DMXL1: variants seen among roughly 807,000 people sequenced by gnomAD.
The protein encoded by DMXL1 is Dmx like 1.
A neutral mutation model predicts 319.2 loss-of-function variants in DMXL1; 99 were observed. That is an observed-to-expected ratio of 0.31 (90% confidence interval 0.26 to 0.37). The LOEUF (loss-of-function observed/expected upper bound fraction) is 0.37. Among genes scored for constraint, DMXL1 ranks in the 10% least tolerant of loss-of-function variants. The pLI is 1.00. For missense variants in DMXL1, 3,745 were observed against 3,595.6 expected, an observed-to-expected ratio of 1.04 and a Z score of -1.06; for synonymous variants, 1,385 against 1,235.2, an observed-to-expected ratio of 1.12 and a Z score of -2.54.
intron 15 of DMXL1, 81 bp from the exon 16 acceptor site, chr5:119,146,756 C>A: frequency 3.0e-6 from 4 of 1,342,644 alleles, no homozygotes; most frequent in Non-Finnish European, 4.0e-6. Context: ...TTTTTAAAGT[C>A]CAATTATTTT....
Position 119,150,153 on chromosome 5 carries a change from T to G in DMXL1, c.4326T>G (p.Ser1442Arg). 6.2e-7 allele frequency: 1 copy of G among 1,613,834 alleles called. No individual in the cohort carries two copies. The highest frequency in any genetic ancestry group is 1.1e-5 in the South Asian group (1 of 91,060). Reference protein sequence around the residue: ...LSKSNQLSKESYDELFQTQLL... With the variant: ...LSKSNQLSKERYDELFQTQLL... The stretch of plus-strand genomic sequence containing the variant: ...AATCAAACCAATTATCTAAAGAAAG[T>G]TATGATGAGCTTTTTCAGACTCAAC... The change falls in exon 18 of 44, where the codon AGT becomes AGG. Residue 1442 changes from serine (S) to arginine (R), a missense_variant. Ser to Arg is a moderately radical substitution (Grantham distance 110, BLOSUM62 -1). This residue lies in a region of DMXL1 where 2,096 missense variants were observed against 1,985.4 expected (regional missense o/e 1.06). Transcript: ENST00000539542.
intron 9 of DMXL1, among the ~76,000 whole-genome samples, chr5:119,122,029 G>A (rs1421484181): frequency 2.1e-5 from 3 of 146,098 alleles, no homozygotes; most frequent in African/African-American, 7.6e-5. Context: ...GCGGCTGGCC[G>A]GGCAGGGGGC....
chr5:119,243,055 T>C (rs568533436), intron 42 of DMXL1, among the ~76,000 whole-genome samples: 1 of 152,276 alleles, frequency 6.6e-6, no homozygotes, highest in Admixed American at 6.5e-5. Flanking sequence ...GGGAGGAGAA[T>C]TGACCATGAA....
chr5:119,135,955 C>A (rs1372555700), intron 13 of DMXL1, among the ~76,000 whole-genome samples: 1 of 152,160 alleles, frequency 6.6e-6, no homozygotes, highest in African/African-American at 2.4e-5. Flanking sequence ...AACTGGGTAA[C>A]AGGCAGAGGT....
intron 1 of DMXL1, among the ~76,000 whole-genome samples, chr5:119,094,297 G>A (rs972557959): frequency 5.9e-5 from 9 of 152,188 alleles, no homozygotes; most frequent in African/African-American, 1.2e-4. Context: ...TTATCATGCC[G>A]AGAATCCTAG....
Position 119,164,696 on chromosome 5 carries a change from G to A in DMXL1, c.4872+20G>A. The stretch of plus-strand genomic sequence containing the variant: ...GAAAAAGTAAGTGTTTTATTTTGGT[G>A]TATAAGTGAATTAATATTTTTTGGA... On this transcript the variant is annotated intron_variant, in intron 20 of 43. Transcript: ENST00000539542. The A allele has an allele frequency of 6.4e-7, 1 of 1,561,468 alleles. No individual in the cohort carries two copies. The highest frequency in any genetic ancestry group is 1.4e-5 in the African/African-American group (1 of 73,914).
intron 34 of DMXL1, among the ~76,000 whole-genome samples, chr5:119,214,782 A>G (rs1341665929): frequency 1.3e-5 from 2 of 152,192 alleles, no homozygotes; most frequent in Non-Finnish European, 2.9e-5. Flanking sequence ...GTATTCCTAC[A>G]TAGAGAAAGG....
At chr5:119,139,095 G>T (rs1368508334) in intron 13 of DMXL1, 1 of 152,168 alleles carries the variant, frequency 6.6e-6, no homozygotes, top group Non-Finnish European at 1.5e-5. Flanking sequence ...ATAAACCAAT[G>T]TTGAGGGAGT....
At chr5:119,085,474 G>A (rs1753161563) in intron 1 of DMXL1, among the ~76,000 whole-genome samples, 1 of 152,018 alleles carries the variant, frequency 6.6e-6, no homozygotes, top group Admixed American at 6.6e-5. Context: ...GCATACAATG[G>A]TGTATGCTAT....
intron 32 of DMXL1, among the ~76,000 whole-genome samples, chr5:119,201,020 T>C: frequency 6.6e-6 from 1 of 152,156 alleles, no homozygotes; most frequent in Non-Finnish European, 1.5e-5. Context: ...CAAACAGGCA[T>C]AGTTTTACTT....
chr5:119,185,930 AATTTTG>A, intron 28 of DMXL1, among the ~76,000 whole-genome samples: 1 of 152,108 alleles, frequency 6.6e-6, no homozygotes, highest in Middle Eastern at 3.4e-3. Flanking sequence ...TTTTACATTT[AATTTTG>A]AGGATTTGTT....
intron 19 of DMXL1, among the ~76,000 whole-genome samples, chr5:119,161,917 A>G (rs1020948154): frequency 6.6e-6 from 1 of 152,182 alleles, no homozygotes; most frequent in Non-Finnish European, 1.5e-5. Flanking sequence ...GCTACCACCA[A>G]CGTCTGCAGG....
At position 119,140,671 on chromosome 5, in the gene DMXL1, A is replaced by C. The variant is rs188537559; in HGVS notation, c.2377-3170A>C. 2.0e-5 allele frequency among the ~76,000 whole-genome samples: 3 copies of C among 152,294 alleles called. No individual in the cohort carries two copies. The East Asian group carries it at 5.8e-4, about 29-fold the overall frequency. On this transcript the variant is annotated intron_variant, in intron 13 of 43. Transcript: ENST00000539542. ...GAGGGATTCATAGCTGAATTACACC[A>C]GATGCACAAAGAAGAGCTGGTACCA...
intron 4 of DMXL1, among the ~76,000 whole-genome samples, chr5:119,109,210 A>G (rs1759030051): frequency 6.6e-6 from 1 of 152,208 alleles, no homozygotes; most frequent in Non-Finnish European, 1.5e-5. Context: ...TGTTTTCTAA[A>G]AAGTATTTTT....
intron 42 of DMXL1, 24 bp from the exon 43 acceptor site, chr5:119,244,333 TTG>T (rs749923413): frequency 6.4e-7 from 1 of 1,567,542 alleles, no homozygotes; most frequent in African/African-American, 1.4e-5. Context: ...TTAAGTGTTT[TTG>T]TTTTTTTTTT....
At position 119,165,283 on chromosome 5, in the gene DMXL1, AG is replaced by A; in HGVS notation, c.4970+5del. ...GCTGTGATTTGGGGATTATATAGGT[AG>A]GTAAAAAAAAAAAAAAAAAAGGGTG... On this transcript the variant is annotated splice_donor_region_variant and intron_variant, in intron 21 of 43. Coordinates refer to ENST00000539542, the MANE Select transcript of DMXL1 (RefSeq NM_001290321.3). 5 of 1,201,262 alleles carry A rather than the reference AG, an allele frequency of 4.2e-6. No individual in the cohort carries two copies. The highest frequency in any genetic ancestry group is 5.9e-6 in the Non-Finnish European group (5 of 850,220). 74.4% of individuals were successfully genotyped at this position (1,201,262 alleles called of 1,614,324 possible). A position where few individuals can be genotyped will look rare whatever the true frequency, so the allele number is the denominator to read the frequency against.
At chr5:119,140,980 AT>A (rs1282645419) in intron 13 of DMXL1, among the ~76,000 whole-genome samples, 1 of 152,124 alleles carries the variant, frequency 6.6e-6, no homozygotes, top group African/African-American at 2.4e-5. Context: ...GATTTATCAC[AT>A]AAGGAGAACT....
chr5:119,224,565 C>A, intron 37 of DMXL1, 144 bp from the exon 38 acceptor site: 1 of 355,954 alleles, frequency 2.8e-6, no homozygotes, highest in Non-Finnish European at 5.2e-6. Context: ...TTTCTGTTAT[C>A]ATGTTTAGTA....
At chr5:119,200,838 G>A (rs1780571211) in intron 32 of DMXL1, among the ~76,000 whole-genome samples, 1 of 152,110 alleles carries the variant, frequency 6.6e-6, no homozygotes, top group Non-Finnish European at 1.5e-5. Flanking sequence ...AGTTGTGAAT[G>A]GGGCTGCCTT....
Sources: allele counts gnomAD v4.1 joint callset (sites outside exome capture counted in the v4.1 genomes callset), GRCh38; gene constraint gnomAD v4.1.1; regional missense constraint gnomAD v4.1.1; transcripts MANE v1.5; gene names NCBI Gene and HGNC (gene_info 2026-07-23, HGNC 2026-07-21).